PRDM14: variants seen among roughly 807,000 people sequenced by gnomAD.
PRDM14 encodes the protein PR domain zinc finger protein 14.
A neutral mutation model predicts 48.0 loss-of-function variants in PRDM14; 16 were observed. That is an observed-to-expected ratio of 0.33 (90% CI 0.23 to 0.51). PRDM14 has a LOEUF of 0.51. Among genes scored for constraint, PRDM14 ranks in the 20% least tolerant of loss-of-function variants. The pLI is 0.97. For synonymous variants in PRDM14, 264 were observed against 276.6 expected, an observed-to-expected ratio of 0.95 and a Z score of 0.45; for missense variants, 566 against 719.6, an observed-to-expected ratio of 0.79 and a Z score of 2.44.
Position 70,069,365 on chromosome 8 carries a change from T to C in PRDM14, c.496A>G (p.Thr166Ala). The change falls in exon 2 of 8, where the codon ACC becomes GCC. Residue 166 changes from threonine (T) to alanine (A), a missense_variant. Around this residue, in one of 3 missense-constraint regions of PRDM14, gnomAD observed 410 missense variants for 424.6 expected, o/e 0.97. Transcript: ENST00000276594. ...GGTGAGCAAGGTAATAACTGGGAGG[T>C]CCTCAGCCCCTCAGGTAACAGAGAA... ...DASLLPEGLR[T>A]SQLLPCSPSK... is the part of the protein sequence containing the mutation. 6.2e-7 allele frequency: 1 copy of C among 1,611,458 alleles called. No individual in the cohort carries two copies. Among genetic ancestry groups the C allele is most frequent in the Non-Finnish European group, 8.5e-7 (1 of 1,178,750 alleles).
At position 70,052,010 on chromosome 8, in the gene PRDM14, G is replaced by C; in HGVS notation, c.*67C>G. The C allele has an allele frequency of 1.8e-6, 2 of 1,122,872 alleles. No individual in the cohort carries two copies. The highest frequency in any genetic ancestry group is 1.5e-5 in the African/African-American group (1 of 64,706). 69.6% of individuals were successfully genotyped at this position (1,122,872 alleles called of 1,614,324 possible). A position where few individuals can be genotyped will look rare whatever the true frequency, so the allele number is the denominator to read the frequency against. On this transcript the variant is annotated 3_prime_UTR_variant, in exon 8 of 8. Transcript: ENST00000276594. ...GCTGGTCTCGAACTCCTGGACTTGA[G>C]TGATCCACCCACCTCTGCCTCCCAA...
intron 1 of PRDM14, among the ~76,000 whole-genome samples, chr8:70,070,108 C>A (rs1805741967): frequency 6.6e-6 from 1 of 152,222 alleles, no homozygotes; most frequent in Admixed American, 6.5e-5. Context: ...CTGCCGGGAT[C>A]CTGCCCTACT....
In PRDM14 at chr8:70,069,726, G is replaced by C. The variant is rs185384741; in HGVS notation, c.135C>G (p.Thr45=). The change falls in exon 2 of 8, where the codon ACC becomes ACG. Residue 45 remains threonine, a synonymous_variant. Coordinates refer to ENST00000276594, the MANE Select transcript of PRDM14 (RefSeq NM_024504.4). ...SYGHYRNSLA[T]VEEDFQPFRQ... ...GGAAAGGTTGGAAGTCTTCCTCCAC[G>C]GTGGCCAGGCTGTTTCTGTAGTGTC... 65 of 1,590,892 alleles carry C rather than the reference G, an allele frequency of 4.1e-5. No individual in the cohort carries two copies. Among genetic ancestry groups the C allele is most frequent in the South Asian group, 3.6e-4 (32 of 87,882 alleles).
chr8:70,069,435 C>A lies in PRDM14; in HGVS notation c.426G>T (p.Pro142=). The stretch of plus-strand genomic sequence containing the variant: ...GAATTAAAGTGTCAGGTCCACAACA[C>A]GGGCCACTCTCGTTGTCGCCACCAA... ...QIIGGDNESG[P]CCGPDTLIPP... The change falls in exon 2 of 8, where the codon CCG becomes CCT. Residue 142 remains proline, a synonymous_variant. Coordinates refer to ENST00000276594, the MANE Select transcript of PRDM14 (RefSeq NM_024504.4). The A allele has an allele frequency of 5.7e-6, 9 of 1,590,942 alleles. No individual in the cohort carries two copies. The highest frequency in any genetic ancestry group is 6.9e-6 in the Non-Finnish European group (8 of 1,167,426).
At chr8:70,053,678 C>T (rs1805425495) in intron 7 of PRDM14, among the ~76,000 whole-genome samples, 1 of 152,178 alleles carries the variant, frequency 6.6e-6, no homozygotes, top group Non-Finnish European at 1.5e-5. Flanking sequence ...GTGTGAGCCA[C>T]CACGCCCAGC....
intron 7 of PRDM14, among the ~76,000 whole-genome samples, chr8:70,053,772 A>T (rs976580182): frequency 1.3e-5 from 2 of 152,146 alleles, no homozygotes; most frequent in Non-Finnish European, 2.9e-5. Flanking sequence ...TGGTAGACTC[A>T]ATGTTTTATT....
intron 1 of PRDM14, among the ~76,000 whole-genome samples, chr8:70,070,922 G>A (rs1319408065): frequency 6.6e-6 from 1 of 152,194 alleles, no homozygotes; most frequent in African/African-American, 2.4e-5. Context: ...GGGGTCAGGA[G>A]AAGAGGTCAG....
intron 5 of PRDM14, among the ~76,000 whole-genome samples, chr8:70,065,345 C>T (rs79205194): frequency 6.6e-6 from 1 of 152,112 alleles, no homozygotes; most frequent in East Asian, 1.9e-4. Context: ...TATCTTGTCC[C>T]ACCTACTAGA....
chr8:70,058,864 A>G, intron 5 of PRDM14, 22 bp from the exon 6 acceptor site: 1 of 1,582,752 alleles, frequency 6.3e-7, no homozygotes, highest in South Asian at 1.1e-5. Flanking sequence ...AGCAAACACA[A>G]TGTCTCTTCA....
At position 70,071,238 on chromosome 8, in the gene PRDM14, C is replaced by T. The variant is rs984752714; in HGVS notation, c.-113G>A. The T allele has an allele frequency of 6.6e-6, 1 of 152,390 alleles. No individual in the cohort carries two copies. The highest frequency in any genetic ancestry group is 3.4e-3 in the Middle Eastern group (1 of 294). 9.4% of individuals were successfully genotyped at this position (152,390 alleles called of 1,614,324 possible). A position where few individuals can be genotyped will look rare whatever the true frequency, so the allele number is the denominator to read the frequency against. On this transcript the variant is annotated 5_prime_UTR_variant, in exon 1 of 8. Coordinates refer to ENST00000276594, the MANE Select transcript of PRDM14 (RefSeq NM_024504.4). This position sits in a 1 kb window ranked among gnomAD's most constrained non-coding sequence, Gnocchi z 5.2. ...TCGGGCTCGGTAGGCCACTCGGGCT[C>T]GGTAGACTTCGGGCGGGCCCTGAGG...
At chr8:70,054,823 C>G (rs1805446024) in intron 7 of PRDM14, among the ~76,000 whole-genome samples, 1 of 150,462 alleles carries the variant, frequency 6.6e-6, no homozygotes, top group Non-Finnish European at 1.5e-5. Flanking sequence ...CTCCCCACCC[C>G]CTCCTTTTTT....
chr8:70,066,308 A>G lies in PRDM14; in HGVS notation c.1110T>C (p.Tyr370=). 1 of 1,614,082 alleles carries G rather than the reference A, an allele frequency of 6.2e-7. No individual in the cohort carries two copies. The highest frequency in any genetic ancestry group is 8.5e-7 in the Non-Finnish European group (1 of 1,179,958). The part of the protein sequence containing the change: ...QELLVWYGDC[Y]EKFLDIPVSL... ...TCACAGGAATATCCAGAAATTTCTC[A>G]TAGCAGTCTCCATACCACACAAGGA... The change falls in exon 5 of 8, where the codon TAT becomes TAC. Residue 370 remains tyrosine, a synonymous_variant. Coordinates refer to ENST00000276594, the MANE Select transcript of PRDM14 (RefSeq NM_024504.4).
At chr8:70,064,239 C>CCTT (rs1805630041) in intron 5 of PRDM14, among the ~76,000 whole-genome samples, 1 of 151,994 alleles carries the variant, frequency 6.6e-6, no homozygotes, top group African/African-American at 2.4e-5. Context: ...CATTATTTAT[C>CCTT]ATTAGATAAA....
intron 5 of PRDM14, among the ~76,000 whole-genome samples, chr8:70,064,588 A>G (rs527877128): frequency 4.5e-4 from 65 of 145,272 alleles, no homozygotes; most frequent in African/African-American, 1.6e-3. Flanking sequence ...GCAGTGGCGC[A>G]ATCTCAGCTC....
rs1367743052 is a variant in PRDM14, at chr8:70,055,514, T to C, written c.1387-113A>G. Reference sequence around the variant, plus strand: ...AACTCTTTTCCAATTTTTTTCTTTTTTTTTTTTTTGAGACGGGATCTCAAT... The same window carrying C: ...AACTCTTTTCCAATTTTTTTCTTTTCTTTTTTTTTGAGACGGGATCTCAAT... On this transcript the variant is annotated intron_variant, in intron 6 of 7. Coordinates refer to ENST00000276594, the MANE Select transcript of PRDM14 (RefSeq NM_024504.4). 5.3e-6 allele frequency: 3 copies of C among 568,232 alleles called. No individual in the cohort carries two copies. The East Asian group carries it at 9.6e-5, about 18-fold the overall frequency. The allele number at this position is 568,232 out of a possible 1,614,324, so 35.2% of individuals were successfully genotyped here. A position where few individuals can be genotyped will look rare whatever the true frequency, so the allele number is the denominator to read the frequency against.
Position 70,068,537 on chromosome 8 carries a change from C to A in PRDM14, c.701-5G>T, listed in dbSNP as rs201977784. On this transcript the variant is annotated splice_region_variant and splice_polypyrimidine_tract_variant and intron_variant, in intron 2 of 7. Transcript: ENST00000276594. ...TTTGAGGAAGAGAATCAGATCCTAG[C>A]AAAAGGCAGGTTAAAACAATTTTTC... 221 of 1,613,894 alleles carry A rather than the reference C, an allele frequency of 1.4e-4. 1 individual carries two copies. In the Middle Eastern group the frequency reaches 6.3e-3, roughly 46 times the overall value.
At chr8:70,062,838 G>A (rs547117245) in intron 5 of PRDM14, among the ~76,000 whole-genome samples, 3 of 152,304 alleles carry the variant, frequency 2.0e-5, no homozygotes, top group Admixed American at 1.3e-4. Flanking sequence ...AAGTACTGGT[G>A]TGTGGAAATT....
chr8:70,057,021 G>C (rs1338255136), intron 6 of PRDM14, among the ~76,000 whole-genome samples: 1 of 149,224 alleles, frequency 6.7e-6, no homozygotes, highest in Admixed American at 6.7e-5. Flanking sequence ...GCTGGAGTGC[G>C]GTGGCGCGAT....
At chr8:70,064,286 C>A (rs1585652392) in intron 5 of PRDM14, among the ~76,000 whole-genome samples, 1 of 151,896 alleles carries the variant, frequency 6.6e-6, no homozygotes, top group Admixed American at 6.6e-5. Flanking sequence ...AATTTCTGGA[C>A]ATTTCCTTGC....
Sources: allele counts gnomAD v4.1 joint callset (sites outside exome capture counted in the v4.1 genomes callset), GRCh38; gene constraint gnomAD v4.1.1; regional missense constraint gnomAD v4.1.1; non-coding constraint Gnocchi (gnomAD v3.1); transcripts MANE v1.5; gene names NCBI Gene and HGNC (gene_info 2026-07-23, HGNC 2026-07-21).